The following MAG variants were observed in gnomAD, a reference collection of about 807,000 sequenced individuals.
The protein encoded by MAG is myelin associated glycoprotein.
A neutral mutation model predicts 60.7 loss-of-function variants in MAG; 30 were observed. The ratio of observed to expected loss-of-function variants is 0.49; its 90% confidence interval spans 0.37 to 0.67. The LOEUF (loss-of-function observed/expected upper bound fraction) is 0.67, where lower values mean the gene tolerates loss of function less well. Among genes scored for constraint, MAG ranks in the 30% least tolerant of loss-of-function variants. The pLI, the probability that MAG is intolerant of heterozygous loss-of-function variation, is 0.00. For missense variants in MAG, 795 were observed against 851.7 expected, an observed-to-expected ratio of 0.93 and a Z score of 0.83; for synonymous variants, 384 against 376.8, an observed-to-expected ratio of 1.02 and a Z score of -0.22.
chr19:35,296,035 G>A, intron 4 of MAG, 54 bp downstream of exon 4: 1 of 1,520,242 alleles, frequency 6.6e-7, no homozygotes, highest in South Asian at 1.3e-5. Flanking sequence ...GGGGCGGGAA[G>A]GAGTGTGGCC....
At chr19:35,298,311 G>A (rs1283391911) in intron 4 of MAG, among the ~76,000 whole-genome samples, 1 of 122,972 alleles carries the variant, frequency 8.1e-6, no homozygotes, top group Non-Finnish European at 1.7e-5. Flanking sequence ...ACACCACACA[G>A]TACCCAAACC....
rs10557696 is a variant in MAG at position 35,293,275 on chromosome 19, CTGTGTG to C, written c.-79-941_-79-936del. On this transcript the variant is annotated intron_variant, in intron 1 of 10. Transcript: ENST00000392213. The surrounding 1 kb of genome is among the most constrained non-coding windows in gnomAD (Gnocchi z 4.0). ...TTGTTAGCCTGGCATGCATGCTGGG[CTGTGTG>C]TGTGTGTGTGTGTGTGTGCTGAATG... Among the ~76,000 whole-genome samples the C allele has an allele frequency of 9.4e-5, 14 of 149,020 alleles. 1 individual carries two copies. In the East Asian group the frequency reaches 1.2e-3, roughly 13 times the overall value.
chr19:35,310,209 G>C, intron 8 of MAG, 48 bp downstream of exon 8: 1 of 1,562,748 alleles, frequency 6.4e-7, no homozygotes. Context: ...GAGCGGGCAC[G>C]TCTTAGATCC....
Position 35,295,287 on chromosome 19 carries a change from C to A in MAG, c.-23-99C>A. 2 of 866,926 alleles carry A rather than the reference C, an allele frequency of 2.3e-6. No homozygotes were observed. The highest frequency in any genetic ancestry group is 3.6e-6 in the Non-Finnish European group (2 of 549,122). The allele number at this position is 866,926 out of a possible 1,614,324, so 53.7% of individuals were successfully genotyped here. A position where few individuals can be genotyped will look rare whatever the true frequency, so the allele number is the denominator to read the frequency against. On this transcript the variant is annotated intron_variant, in intron 2 of 10. Transcript: ENST00000392213. The surrounding 1 kb of genome is among the most constrained non-coding windows in gnomAD (Gnocchi z 5.8). Reference sequence around the variant, plus strand: ...TAAATGCATAAATAAATAATAATAGCAGCAGCAGCTAACATATGAATGGGC... The same window carrying A: ...TAAATGCATAAATAAATAATAATAGAAGCAGCAGCTAACATATGAATGGGC...
intron 9 of MAG, 50 bp from the exon 10 acceptor site, chr19:35,311,868 G>C: frequency 7.6e-7 from 1 of 1,321,208 alleles, no homozygotes; most frequent in Non-Finnish European, 1.1e-6. Context: ...AAACACGTGG[G>C]GGTGCAGAAA....
At position 35,310,707 on chromosome 19, in the gene MAG, G is replaced by A. The variant is rs1009777258; in HGVS notation, c.1616+64G>A. ...CCAAAAAGGGGACCTGGTGGGAGAT[G>A]GAGGCCCAGAGTGGGTGGGGGAAGG... On this transcript the variant is annotated intron_variant, in intron 9 of 10. Transcript: ENST00000392213. The A allele has an allele frequency of 8.9e-6, 13 of 1,461,802 alleles. No individual in the cohort carries two copies. In the East Asian group the frequency reaches 2.9e-4, roughly 33 times the overall value. 90.6% of individuals were successfully genotyped at this position (1,461,802 alleles called of 1,614,324 possible).
In MAG at chr19:35,309,986, G is replaced by A. The variant is rs149838575; in HGVS notation, c.1344G>A (p.Ser448=). The A allele has an allele frequency of 3.1e-4, 493 of 1,614,046 alleles. No homozygotes were observed. Among genetic ancestry groups the A allele is most frequent in the Non-Finnish European group, 4.0e-4 (469 of 1,179,946 alleles). The change falls in exon 8 of 11, where the codon TCG becomes TCA. Residue 448 remains serine, a synonymous_variant. Transcript: ENST00000392213. ...CGTCCGTGGCCTTTGAGCTGCCATC[G>A]CGCAATGTGACCGTGAACGAGAGCG... is the stretch of plus-strand genomic sequence containing the variant. ...PEPSVAFELP[S]RNVTVNESER... is the part of the protein sequence containing the mutation.
intron 9 of MAG, among the ~76,000 whole-genome samples, chr19:35,311,476 AACAGACAG>A (rs140512779): frequency 6.6e-6 from 1 of 151,576 alleles, no homozygotes; most frequent in Non-Finnish European, 1.5e-5. Flanking sequence ...AAAACAAACA[AACAGACAG>A]ACAGACAGAC....
chr19:35,306,253 A>G lies in MAG; in HGVS notation c.1231+3545A>G, dbSNP rs113513492. Reference sequence around the variant, plus strand: ...ACTAAGAGAACAATACTGAGTGTTCATAGTGCTACATACTCTGTGGATATT... The same window carrying G: ...ACTAAGAGAACAATACTGAGTGTTCGTAGTGCTACATACTCTGTGGATATT... On this transcript the variant is annotated intron_variant, in intron 7 of 10. Transcript: ENST00000392213. 8.8e-3 allele frequency among the ~76,000 whole-genome samples: 1,306 copies of G among 148,626 alleles called. 32 individuals carry two copies. The highest frequency in any genetic ancestry group is 0.031 in the African/African-American group (1,234 of 39,984).
At chr19:35,313,024 GAAA>G (rs2066540013) in intron 10 of MAG, among the ~76,000 whole-genome samples, 1 of 152,144 alleles carries the variant, frequency 6.6e-6, no homozygotes. Context: ...GGGTCTCAAA[GAAA>G]AAGAAGAAGA....
At position 35,300,184 on chromosome 19, in the gene MAG, G is replaced by A. The variant is rs926535598; in HGVS notation, c.750G>A (p.Glu250=). 6.4e-7 allele frequency: 1 copy of A among 1,562,834 alleles called. No homozygotes were observed. Among genetic ancestry groups the A allele is most frequent in the Non-Finnish European group, 8.7e-7 (1 of 1,149,876 alleles). Reference sequence around the variant, plus strand: ...TTGTGGAGATGAACTCCTCGGTGGAGGCCATCGAGGGCTCCCACGTGAGCC... The same window carrying A: ...TTGTGGAGATGAACTCCTCGGTGGAAGCCATCGAGGGCTCCCACGTGAGCC... ...PVIVEMNSSV[E]AIEGSHVSLL... is the part of the protein sequence containing the mutation. The change falls in exon 6 of 11, where the codon GAG becomes GAA. Residue 250 remains glutamate (E), a synonymous_variant. Transcript: ENST00000392213.
Position 35,312,800 on chromosome 19 carries a change from A to C in MAG, c.1717-490A>C, listed in dbSNP as rs138681750. ...CACCTGTAATCCCACAACTTTGGGA[A>C]TCTGAGGCGGATGGATCACTTGAGG... On this transcript the variant is annotated intron_variant, in intron 10 of 10. Transcript: ENST00000392213. The C allele has an allele frequency of 2.8e-5, 5 of 178,450 alleles. No homozygotes were observed. In the East Asian group the frequency reaches 7.5e-4, roughly 27 times the overall value. The allele number at this position is 178,450 out of a possible 1,614,324, so 11.1% of individuals were successfully genotyped here. A position where few individuals can be genotyped will look rare whatever the true frequency, so the allele number is the denominator to read the frequency against.
At chr19:35,304,330 C>T (rs1452968245) in intron 7 of MAG, among the ~76,000 whole-genome samples, 1 of 152,060 alleles carries the variant, frequency 6.6e-6, no homozygotes, top group Non-Finnish European at 1.5e-5. Context: ...CACCCCACAC[C>T]AGTGATTCTT....
chr19:35,310,043 C>T lies in MAG; in HGVS notation c.1401C>T (p.Gly467=), dbSNP rs1310563017. 6.2e-7 allele frequency: 1 copy of T among 1,613,852 alleles called. No individual in the cohort carries two copies. Among genetic ancestry groups the T allele is most frequent in the Non-Finnish European group, 8.5e-7 (1 of 1,179,922 alleles). Residue 467 remains glycine, a synonymous_variant, in exon 8 of 11, where the codon GGC becomes GGT. Transcript: ENST00000392213. ...EREFVYSERS[G]LVLTSILTLR... is the part of the protein sequence containing the mutation. ...AGTTCGTGTACTCGGAGCGCAGCGGCCTCGTGCTCACCAGCATCCTCACGC... is the reference window on the plus strand; with the variant it reads ...AGTTCGTGTACTCGGAGCGCAGCGGTCTCGTGCTCACCAGCATCCTCACGC...
At chr19:35,307,881 G>A (rs1361244148) in intron 7 of MAG, among the ~76,000 whole-genome samples, 3 of 151,210 alleles carry the variant, frequency 2.0e-5, no homozygotes, top group Admixed American at 6.6e-5. Context: ...GGTTCAAGGC[G>A]GCTTTAGGGG....
In MAG at chr19:35,293,467, G is replaced by T. The variant is rs905094782; in HGVS notation, c.-79-768G>T. Among the ~76,000 whole-genome samples the T allele has an allele frequency of 1.3e-5, 2 of 152,096 alleles. No homozygotes were observed. The highest frequency in any genetic ancestry group is 3.9e-4 in the East Asian group (2 of 5,176). ...CTGGGTGTCTGTATGAGTCTCCGCTGCGTGTGCCTGCCCCTTCTGGCTGGG... is the reference window on the plus strand; with the variant it reads ...CTGGGTGTCTGTATGAGTCTCCGCTTCGTGTGCCTGCCCCTTCTGGCTGGG... On this transcript the variant is annotated intron_variant, in intron 1 of 10. Transcript: ENST00000392213. The surrounding 1 kb of genome is among the most constrained non-coding windows in gnomAD (Gnocchi z 4.0).
At chr19:35,296,698 G>A (rs2066400526) in intron 4 of MAG, among the ~76,000 whole-genome samples, 1 of 151,676 alleles carries the variant, frequency 6.6e-6, no homozygotes, top group South Asian at 2.1e-4. Flanking sequence ...GAGTCCCTAT[G>A]AGAGAGCCGG....
Position 35,293,262 on chromosome 19 carries a change from C to T in MAG, c.-79-973C>T, listed in dbSNP as rs1392549648. On this transcript the variant is annotated intron_variant, in intron 1 of 10. Transcript: ENST00000392213. This position sits in a 1 kb window ranked among gnomAD's most constrained non-coding sequence, Gnocchi z 4.0. Reference sequence around the variant, plus strand: ...GTTCCTTGCATCTTTGTTAGCCTGGCATGCATGCTGGGCTGTGTGTGTGTG... The same window carrying T: ...GTTCCTTGCATCTTTGTTAGCCTGGTATGCATGCTGGGCTGTGTGTGTGTG... Among the ~76,000 whole-genome samples, 12 of 133,838 alleles carry T rather than the reference C, an allele frequency of 9.0e-5. No homozygotes were observed. In the Admixed American group the frequency reaches 9.5e-4, roughly 11 times the overall value. The allele number at this position is 133,838 out of a possible 152,430, so 87.8% of individuals were successfully genotyped here.
chr19:35,308,857 G>A (rs1298355800), intron 7 of MAG, among the ~76,000 whole-genome samples: 1 of 151,552 alleles, frequency 6.6e-6, no homozygotes, highest in African/African-American at 2.4e-5. Context: ...GCTTATGCCT[G>A]TAATCCCAGC....
Sources: allele counts gnomAD v4.1 joint callset (sites outside exome capture counted in the v4.1 genomes callset), GRCh38; gene constraint gnomAD v4.1.1; non-coding constraint Gnocchi (gnomAD v3.1); transcripts MANE v1.5; gene names NCBI Gene and HGNC (gene_info 2026-07-23, HGNC 2026-07-21).